The following NELL1 variants were observed in gnomAD, a reference collection of about 807,000 sequenced individuals.
The protein encoded by NELL1 is neural EGFL like 1, also known as protein kinase C-binding protein NELL1.
NELL1 carries 76 observed loss-of-function variants against 107.4 expected under a neutral mutation model. The ratio of observed to expected loss-of-function variants is 0.71; its 90% CI spans 0.59 to 0.86. The LOEUF (loss-of-function observed/expected upper bound fraction) is 0.86, where lower values mean the gene tolerates loss of function less well. Ranked by LOEUF, NELL1 falls within the 40% of genes least tolerant of loss-of-function variation. The probability of loss-of-function intolerance (pLI) is 0.00; values close to 1 mark genes in which losing one functional copy is unlikely to be tolerated. For missense variants in NELL1, 1,024 were observed against 1,005.5 expected (o/e 1.02, Z -0.25); for synonymous variants, 353 against 341.2 (o/e 1.03, Z -0.38).
chr11:21,574,945 G>A, intron 19 of NELL1, 27 bp from the exon 20 acceptor site: 2 of 1,603,360 alleles, frequency 1.2e-6, no homozygotes, highest in South Asian at 2.2e-5. Context: ...GTCTCAACTG[G>A]CTAACACATG....
chr11:21,567,594 T>G (rs1712101118), intron 17 of NELL1, among the ~76,000 whole-genome samples: 1 of 151,862 alleles, frequency 6.6e-6, no homozygotes, highest in South Asian at 2.1e-4. Context: ...TGTTGTTATA[T>G]ATGTAGCTGG....
chr11:21,155,795 G>T (rs1169908545), intron 13 of NELL1, among the ~76,000 whole-genome samples: 4 of 152,116 alleles, frequency 2.6e-5, no homozygotes, highest in Non-Finnish European at 4.4e-5. Flanking sequence ...ATAGATGGTA[G>T]CAAGGGAAGG....
intron 14 of NELL1, among the ~76,000 whole-genome samples, chr11:21,335,875 C>A (rs1005547161): frequency 1.3e-5 from 2 of 152,010 alleles, no homozygotes; most frequent in African/African-American, 2.4e-5. Context: ...GCCCAAAAGA[C>A]AGAGGCAATA....
chr11:20,752,210 T>A (rs1366130646), intron 2 of NELL1, among the ~76,000 whole-genome samples: 1 of 152,188 alleles, frequency 6.6e-6, no homozygotes, highest in Non-Finnish European at 1.5e-5. Flanking sequence ...ATGCCCTGTA[T>A]CAGAATGAGT....
chr11:20,908,478 T>C (rs920341225), intron 5 of NELL1, among the ~76,000 whole-genome samples: 7 of 152,052 alleles, frequency 4.6e-5, no homozygotes, highest in African/African-American at 1.7e-4. Context: ...CACCACATGT[T>C]CTCACTCATA....
At chr11:20,696,606 T>C (rs1854624022) in intron 2 of NELL1, among the ~76,000 whole-genome samples, 1 of 152,168 alleles carries the variant, frequency 6.6e-6, no homozygotes, top group East Asian at 1.9e-4. Context: ...TTTTAACCTA[T>C]TATAGGTTGT....
intron 12 of NELL1, among the ~76,000 whole-genome samples, chr11:21,064,754 A>G (rs1242811715): frequency 2.0e-5 from 3 of 152,190 alleles, no homozygotes. Context: ...TAGATGACCC[A>G]TGTCATTTCA....
intron 11 of NELL1, among the ~76,000 whole-genome samples, chr11:20,948,818 T>G (rs900639476): frequency 6.7e-6 from 1 of 149,042 alleles, no homozygotes; most frequent in Admixed American, 6.7e-5. Context: ...ATTTTAAAAC[T>G]ATATCTACCA....
chr11:21,300,961 G>A (rs538935978), intron 14 of NELL1, among the ~76,000 whole-genome samples: 1 of 152,056 alleles, frequency 6.6e-6, no homozygotes, highest in African/African-American at 2.4e-5. Context: ...TGTTCTCATT[G>A]TTCAATTCCC....
At chr11:21,406,081 A>G (rs1474240542) in intron 15 of NELL1, among the ~76,000 whole-genome samples, 1 of 152,042 alleles carries the variant, frequency 6.6e-6, no homozygotes, top group East Asian at 1.9e-4. Flanking sequence ...TTCATAGAGA[A>G]ACAGAAATAA....
intron 13 of NELL1, among the ~76,000 whole-genome samples, chr11:21,184,759 G>A (rs561087108): frequency 6.6e-6 from 1 of 151,856 alleles, no homozygotes; most frequent in South Asian, 2.1e-4. Context: ...AGTTTTGATT[G>A]AAGTGAAATC....
At chr11:20,976,010 T>G (rs1013271455) in intron 12 of NELL1, among the ~76,000 whole-genome samples, 27 of 143,060 alleles carry the variant, frequency 1.9e-4, no homozygotes, top group Non-Finnish European at 3.8e-4. Context: ...TATATATACA[T>G]TATATCTGTA....
intron 15 of NELL1, among the ~76,000 whole-genome samples, chr11:21,433,987 G>T (rs532511446): frequency 2.0e-5 from 3 of 152,076 alleles, no homozygotes; most frequent in African/African-American, 7.2e-5. Flanking sequence ...CCATTTGTAT[G>T]TCTTATTTTG....
intron 15 of NELL1, among the ~76,000 whole-genome samples, chr11:21,467,089 G>A (rs1009115813): frequency 5.9e-5 from 9 of 152,052 alleles, no homozygotes; most frequent in African/African-American, 1.7e-4. Flanking sequence ...GGTTATTGTT[G>A]TTGTTAGGAG....
intron 14 of NELL1, among the ~76,000 whole-genome samples, chr11:21,306,642 T>C (rs1006832929): frequency 1.3e-5 from 2 of 152,058 alleles, no homozygotes; most frequent in African/African-American, 4.8e-5. Context: ...GATGAAACTC[T>C]CATCAACTTC....
intron 14 of NELL1, among the ~76,000 whole-genome samples, chr11:21,326,219 T>G (rs906109952): frequency 6.6e-6 from 1 of 151,532 alleles, no homozygotes; most frequent in African/African-American, 2.4e-5. Flanking sequence ...TTTTTTTGCC[T>G]TCTTTTTGGA....
intron 16 of NELL1, among the ~76,000 whole-genome samples, chr11:21,539,418 G>A (rs773145672): frequency 4.6e-5 from 7 of 151,974 alleles, no homozygotes; most frequent in Non-Finnish European, 1.0e-4. Context: ...TGTATCTCAA[G>A]CTCTTGTCTG....
chr11:20,810,257 G>A (rs1178452430), intron 3 of NELL1, among the ~76,000 whole-genome samples: 9 of 152,004 alleles, frequency 5.9e-5, no homozygotes, highest in Admixed American at 5.9e-4. Flanking sequence ...TGGGGTACAG[G>A]TGGTATTTGG....
chr11:20,746,591 CACACACACA>C (rs1856008920), intron 2 of NELL1, among the ~76,000 whole-genome samples: 1 of 151,550 alleles, frequency 6.6e-6, no homozygotes, highest in African/African-American at 2.4e-5. Context: ...CACACACACA[CACACACACA>C]CACACACGTG....
Sources: allele counts gnomAD v4.1 joint callset (sites outside exome capture counted in the v4.1 genomes callset), GRCh38; gene constraint gnomAD v4.1.1; transcripts MANE v1.5; gene names NCBI Gene and HGNC (gene_info 2026-07-23, HGNC 2026-07-21).